FAM149A: variants seen among roughly 807,000 people sequenced by gnomAD.
FAM149A encodes the protein family with sequence similarity 149 member A, also known as protein FAM149A.
A neutral mutation model predicts 78.2 loss-of-function variants in FAM149A; 71 were observed. The ratio of observed to expected loss-of-function variants is 0.91; its 90% CI spans 0.75 to 1.11. The LOEUF is 1.11. Among genes scored for constraint, FAM149A ranks in the 50% least tolerant of loss-of-function variants. FAM149A has a pLI of 0.00. For missense variants in FAM149A, 1,036 were observed against 971.0 expected (o/e 1.07, Z -0.89); for synonymous variants, 446 against 410.5 (o/e 1.09, Z -1.04).
chr4:186,110,287 A>G, intron 1 of FAM149A: 1 of 985,302 alleles, frequency 1.0e-6, no homozygotes, highest in African/African-American at 1.7e-5. Context: ...TTTTTGTTTC[A>G]TCGTCTTGAG....
chr4:186,172,015 C>T lies in FAM149A; in HGVS notation c.*28C>T. On this transcript the variant is annotated 3_prime_UTR_variant, in exon 14 of 14. Transcript: ENST00000389354. ...CCACCTCACCAGAACCATTGGAGCA[C>T]CTGTGGCCTCGGCACACTGCTTATC... is the stretch of plus-strand genomic sequence containing the variant. 6.2e-7 allele frequency: 1 copy of T among 1,607,144 alleles called. No individual in the cohort carries two copies. The highest frequency in any genetic ancestry group is 2.3e-5 in the East Asian group (1 of 44,434).
chr4:186,109,195 C>T (rs371834110), intron 1 of FAM149A: 68 of 984,914 alleles, frequency 6.9e-5, no homozygotes, highest in South Asian at 9.4e-5. Context: ...CCTAGCAATA[C>T]GTAAGGTGGA....
intron 1 of FAM149A, among the ~76,000 whole-genome samples, chr4:186,138,673 G>A (rs536088873): frequency 7.9e-5 from 12 of 152,262 alleles, no homozygotes; most frequent in Non-Finnish European, 1.5e-4. Context: ...AGGCCGCTCC[G>A]CTGGGGTTCG....
intron 1 of FAM149A, among the ~76,000 whole-genome samples, chr4:186,134,970 G>A (rs1042783706): frequency 8.5e-5 from 13 of 152,214 alleles, no homozygotes; most frequent in Non-Finnish European, 1.8e-4. Context: ...AGGACAGAAT[G>A]TATAACAGAT....
rs114710499 is a variant in FAM149A, at chr4:186,161,770, G to C, written c.1576-1075G>C. Among the ~76,000 whole-genome samples, 858 of 152,338 alleles carry C rather than the reference G, an allele frequency of 5.6e-3. 12 individuals are homozygous for C. The highest frequency in any genetic ancestry group is 0.019 in the African/African-American group (808 of 41,584). On this transcript the variant is annotated intron_variant, in intron 8 of 13. Coordinates refer to ENST00000389354, the MANE Select transcript of FAM149A (RefSeq NM_001367768.3). ...GAGCCTGCTTTGAAATACTCAAGGT[G>C]TTCTAGTTCTAATTATGAAAGCTCT...
chr4:186,136,065 A>G (rs2099322546), intron 1 of FAM149A, among the ~76,000 whole-genome samples: 1 of 152,168 alleles, frequency 6.6e-6, no homozygotes, highest in East Asian at 1.9e-4. Flanking sequence ...AGTTACATAA[A>G]ATCTAATGTA....
At chr4:186,151,122 TCTGAAAGGGACTCA>T in intron 3 of FAM149A, 1 of 913,922 alleles carries the variant, frequency 1.1e-6, no homozygotes, top group African/African-American at 1.8e-5. Flanking sequence ...ACCGAGGGGG[TCTGAAAGGGACTCA>T]GCTCAGCACT....
intron 3 of FAM149A, among the ~76,000 whole-genome samples, 167 bp downstream of exon 3, chr4:186,149,871 C>T (rs1332661879): frequency 6.6e-6 from 1 of 152,122 alleles, no homozygotes; most frequent in Non-Finnish European, 1.5e-5. Context: ...AATAATAGAT[C>T]ACGAACCGTG....
intron 1 of FAM149A, among the ~76,000 whole-genome samples, chr4:186,134,992 G>A (rs925313433): frequency 6.6e-6 from 1 of 152,210 alleles, no homozygotes; most frequent in African/African-American, 2.4e-5. Context: ...AATCAGGGCG[G>A]TGGCTCTCGA....
chr4:186,166,465 A>C (rs1735031895), intron 11 of FAM149A, among the ~76,000 whole-genome samples: 1 of 152,184 alleles, frequency 6.6e-6, no homozygotes, highest in Admixed American at 6.5e-5. Flanking sequence ...CCTGGCCAAC[A>C]TAGTGAAACC....
chr4:186,160,407 AC>A (rs563676324), intron 8 of FAM149A, among the ~76,000 whole-genome samples: 215 of 139,030 alleles, frequency 1.5e-3, no homozygotes, highest in African/African-American at 5.8e-3. Context: ...CACTGCACAC[AC>A]CCCCCACATA....
At chr4:186,108,852 T>G (rs866761116) in intron 1 of FAM149A, among the ~76,000 whole-genome samples, 2 of 93,898 alleles carry the variant, frequency 2.1e-5, no homozygotes, top group Admixed American at 1.1e-4. Flanking sequence ...AATCTCTGGT[T>G]TTTTTTTTTT....
intron 1 of FAM149A, among the ~76,000 whole-genome samples, chr4:186,106,723 G>A (rs756307767): frequency 2.0e-5 from 3 of 152,138 alleles, no homozygotes; most frequent in African/African-American, 7.2e-5. Context: ...CGAGGCGGGC[G>A]GATCATGAGG....
chr4:186,146,594 G>A (rs1465761680), intron 1 of FAM149A: 4 of 853,838 alleles, frequency 4.7e-6, no homozygotes, highest in Admixed American at 6.2e-5. Context: ...ACTCGCATGC[G>A]TCCCATTTTG....
At chr4:186,118,358 G>C (rs1012584604) in intron 1 of FAM149A, 1 of 412,546 alleles carries the variant, frequency 2.4e-6, no homozygotes, top group African/African-American at 2.2e-5. Context: ...CCCTGTCCAT[G>C]AAGCGGTAAG....
chr4:186,160,979 A>G (rs761341375), intron 8 of FAM149A: 20 of 663,234 alleles, frequency 3.0e-5, no homozygotes, highest in Non-Finnish European at 3.4e-5. Context: ...AAAGGAGATA[A>G]AACATTTTGT....
At chr4:186,109,058 A>G (rs915836720) in intron 1 of FAM149A, 9 of 243,464 alleles carry the variant, frequency 3.7e-5, no homozygotes, top group East Asian at 3.6e-4. Context: ...CATGTTAGCC[A>G]GGATGGTCTC....
At chr4:186,170,807 CAG>C (rs1314052091) in intron 13 of FAM149A, 4 of 152,394 alleles carry the variant, frequency 2.6e-5, no homozygotes, top group Non-Finnish European at 5.9e-5. Context: ...AACAGAGGGA[CAG>C]AGGGACCTGT....
intron 1 of FAM149A, among the ~76,000 whole-genome samples, chr4:186,137,000 C>CTCTCTCTCTT (rs2099323548): frequency 2.9e-5 from 4 of 136,850 alleles, no homozygotes; most frequent in African/African-American, 1.1e-4. Context: ...CTCTCTCTCT[C>CTCTCTCTCTT]TCTCTCTCTC....
Sources: allele counts gnomAD v4.1 joint callset (sites outside exome capture counted in the v4.1 genomes callset), GRCh38; gene constraint gnomAD v4.1.1; transcripts MANE v1.5; gene names NCBI Gene and HGNC (gene_info 2026-07-23, HGNC 2026-07-21).